The following CFAP54 variants were observed in gnomAD, a reference collection of about 807,000 sequenced individuals.
The protein encoded by CFAP54 is cilia- and flagella-associated protein 54.
A neutral mutation model predicts 370.4 loss-of-function variants in CFAP54; 290 were observed. The observed-to-expected ratio is 0.78, with a 90% CI of 0.71 to 0.86. The LOEUF (loss-of-function observed/expected upper bound fraction) is 0.86. CFAP54 is among the 40% of genes least tolerant of loss of function. The pLI, the probability that CFAP54 is intolerant of heterozygous loss-of-function variation, is 0.00. For missense variants in CFAP54, 3,399 were observed against 3,528.7 expected, an observed-to-expected ratio of 0.96 and a Z score of 0.93; for synonymous variants, 1,206 against 1,236.5, an observed-to-expected ratio of 0.98 and a Z score of 0.52.
In CFAP54 at chr12:96,625,821, A is replaced by G; in HGVS notation, c.3976+14A>G. On this transcript the variant is annotated intron_variant, in intron 29 of 67. Coordinates refer to ENST00000524981, the MANE Select transcript of CFAP54 (RefSeq NM_001306084.2). ...CCGTGAAAGAAGGTAGGTGAACTGG[A>G]TGTGTATATGCTGTTCACTCGATTT... 1 of 1,497,918 alleles carries G rather than the reference A, an allele frequency of 6.7e-7. No homozygotes were observed. The highest frequency in any genetic ancestry group is 9.0e-7 in the Non-Finnish European group (1 of 1,112,408). The allele number at this position is 1,497,918 out of a possible 1,614,324, so 92.8% of individuals were successfully genotyped here.
At position 96,704,464 on chromosome 12, in the gene CFAP54, A is replaced by G. The variant is rs1441810208; in HGVS notation, c.6475-279A>G. Among the ~76,000 whole-genome samples, 399 of 81,254 alleles carry G rather than the reference A, an allele frequency of 4.9e-3. 7 individuals are homozygous for G. Among genetic ancestry groups the G allele is most frequent in the Non-Finnish European group, 6.4e-3 (286 of 44,780 alleles). The allele number at this position is 81,254 out of a possible 152,430, so 53.3% of individuals were successfully genotyped here. A position where few individuals can be genotyped will look rare whatever the true frequency, so the allele number is the denominator to read the frequency against. On this transcript the variant is annotated intron_variant, in intron 46 of 67. Transcript: ENST00000524981. ...AAAATGTATGTGTGTATATATATAT[A>G]TATATATATATATATATATATATAT...
rs79275434 is a variant in CFAP54, at chr12:96,812,421, C to T, written c.8957+579C>T. Among the ~76,000 whole-genome samples the T allele has an allele frequency of 1.2e-4, 19 of 152,276 alleles. No homozygotes were observed. In the East Asian group the frequency reaches 3.7e-3, roughly 29 times the overall value. ...AACTTTTTGCTCATGCCTCGTTTCT[C>T]TCTTCCTGTTTCACTTTACCAATTT... On this transcript the variant is annotated intron_variant, in intron 64 of 67. Transcript: ENST00000524981.
intron 15 of CFAP54, among the ~76,000 whole-genome samples, chr12:96,553,425 A>C (rs917285826): frequency 6.6e-6 from 1 of 150,734 alleles, no homozygotes; most frequent in African/African-American, 2.4e-5. Flanking sequence ...ATTCAAGGAC[A>C]GTGGCTACCT....
intron 1 of CFAP54, among the ~76,000 whole-genome samples, chr12:96,491,601 A>G (rs12305531): frequency 0.09 from 13,700 of 152,190 alleles, 796 homozygotes; most frequent in Non-Finnish European, 0.13. Context: ...AGGAGGGGCC[A>G]GTGGAAAACC....
intron 64 of CFAP54, among the ~76,000 whole-genome samples, chr12:96,813,907 G>A: frequency 6.6e-6 from 1 of 152,224 alleles, no homozygotes; most frequent in Non-Finnish European, 1.5e-5. Flanking sequence ...GGACAGGGAA[G>A]TGAGGGGCAA....
intron 66 of CFAP54, among the ~76,000 whole-genome samples, chr12:96,829,650 G>C (rs1315302215): frequency 2.0e-5 from 3 of 151,844 alleles, no homozygotes; most frequent in African/African-American, 7.2e-5. Flanking sequence ...TACCTCTTCA[G>C]AATTAATTCT....
chr12:96,635,505 G>C (rs1280394991), intron 32 of CFAP54, among the ~76,000 whole-genome samples: 2 of 152,158 alleles, frequency 1.3e-5, no homozygotes, highest in African/African-American at 4.8e-5. Flanking sequence ...AGCCCCATAT[G>C]CACTTCATGG....
chr12:96,676,429 C>T (rs149433397), intron 39 of CFAP54, among the ~76,000 whole-genome samples: 1 of 152,138 alleles, frequency 6.6e-6, no homozygotes, highest in African/African-American at 2.4e-5. Flanking sequence ...TGGTCCCCCC[C>T]ACCTAAATGT....
rs1218375324 is a variant in CFAP54 at position 96,600,175 on chromosome 12, G to A, written c.3639+1408G>A. The stretch of plus-strand genomic sequence containing the variant: ...TAATCCATCTTGAGTTAATTTTTGT[G>A]TAAGGTGTAAGGAAGGAATCCAGTT... On this transcript the variant is annotated intron_variant, in intron 26 of 67. Coordinates refer to ENST00000524981, the MANE Select transcript of CFAP54 (RefSeq NM_001306084.2). 1.8e-4 allele frequency among the ~76,000 whole-genome samples: 27 copies of A among 151,960 alleles called. 1 individual carries two copies. Among genetic ancestry groups the A allele is most frequent in the African/African-American group, 5.8e-4 (24 of 41,434 alleles).
In CFAP54 at chr12:96,527,357, C is replaced by G; in HGVS notation, c.1270C>G (p.Leu424Val). The change falls in exon 9 of 68, where the codon CTG becomes GTG. Residue 424 changes from leucine (L) to valine (V), a missense_variant. This residue lies in a region of CFAP54 where 559 missense variants were observed against 576.7 expected (regional missense o/e 0.97). Transcript: ENST00000524981. The stretch of plus-strand genomic sequence containing the variant: ...TCTTTCTGATTCAAATAGGCGAATA[C>G]TGCAAACTGGACCCATTGTTACAGA... ...EALSDSNRRILQTGPIVTDEV... is the reference protein window; with the variant it reads ...EALSDSNRRIVQTGPIVTDEV... The G allele has an allele frequency of 6.5e-7, 1 of 1,535,786 alleles. No individual in the cohort carries two copies. Among genetic ancestry groups the G allele is most frequent in the Non-Finnish European group, 8.7e-7 (1 of 1,146,714 alleles).
intron 39 of CFAP54, among the ~76,000 whole-genome samples, chr12:96,668,699 G>C (rs1364263619): frequency 1.3e-5 from 2 of 152,130 alleles, no homozygotes; most frequent in Non-Finnish European, 2.9e-5. Flanking sequence ...GCAGCTTGTA[G>C]GAATGATGCA....
intron 25 of CFAP54, 108 bp from the exon 26 acceptor site, chr12:96,598,534 GATA>G: frequency 2.3e-6 from 1 of 427,758 alleles, no homozygotes; most frequent in Non-Finnish European, 4.1e-6. Flanking sequence ...AATAATTATT[GATA>G]ACAAAATTTT....
chr12:96,587,151 A>C (rs1956082296), intron 22 of CFAP54, among the ~76,000 whole-genome samples: 1 of 152,034 alleles, frequency 6.6e-6, no homozygotes, highest in Admixed American at 6.6e-5. Context: ...TGTTGAGGTA[A>C]GGTGTTTAGT....
chr12:96,730,016 C>T (rs535850555), intron 50 of CFAP54, among the ~76,000 whole-genome samples: 93 of 152,198 alleles, frequency 6.1e-4, no homozygotes, highest in African/African-American at 1.9e-3. Flanking sequence ...AGTAGGAGCC[C>T]GGTCCAGTCT....
intron 19 of CFAP54, among the ~76,000 whole-genome samples, chr12:96,566,288 A>G (rs1271777198): frequency 6.6e-6 from 1 of 152,186 alleles, no homozygotes; most frequent in Admixed American, 6.5e-5. Flanking sequence ...GAAAGTAAAG[A>G]TAATGTGGAG....
chr12:96,627,363 C>A (rs1178367418), intron 30 of CFAP54, among the ~76,000 whole-genome samples: 2 of 152,206 alleles, frequency 1.3e-5, no homozygotes, highest in African/African-American at 4.8e-5. Context: ...CAAATAAAAG[C>A]AGTAAACCTT....
intron 38 of CFAP54, among the ~76,000 whole-genome samples, chr12:96,662,948 C>A (rs1440385807): frequency 1.3e-5 from 2 of 152,168 alleles, no homozygotes; most frequent in East Asian, 3.9e-4. Flanking sequence ...ATATAATGTA[C>A]CATACTATTT....
At chr12:96,808,894 C>G (rs1450456879) in intron 63 of CFAP54, among the ~76,000 whole-genome samples, 3 of 152,176 alleles carry the variant, frequency 2.0e-5, no homozygotes, top group African/African-American at 4.8e-5. Context: ...TTGCAGCAAA[C>G]TAACTGAGAT....
At chr12:96,712,623 T>G (rs1481751832) in intron 48 of CFAP54, among the ~76,000 whole-genome samples, 2 of 152,154 alleles carry the variant, frequency 1.3e-5, no homozygotes, top group African/African-American at 4.8e-5. Context: ...AATTTATTTC[T>G]TCTATCTAAT....
Sources: gnomAD v4.1 joint callset for allele counts (sites outside exome capture counted in the v4.1 genomes callset) on GRCh38, gnomAD v4.1.1 for gene constraint, gnomAD v4.1.1 regional missense constraint, MANE v1.5 for transcripts, NCBI Gene and HGNC (gene_info 2026-07-23, HGNC 2026-07-21) for gene names.